AQR: variants seen among roughly 807,000 people sequenced by gnomAD.
AQR encodes the protein aquarius intron-binding spliceosomal factor.
Under a neutral mutation model 180.5 loss-of-function variants are expected in AQR, and 61 were observed. The observed-to-expected ratio is 0.34, with a 90% CI of 0.28 to 0.42. The LOEUF is 0.42. AQR is among the 10% of genes least tolerant of loss of function. AQR has a pLI of 1.00. For synonymous variants in AQR, 551 were observed against 588.8 expected, an observed-to-expected ratio of 0.94 and a Z score of 0.93; for missense variants, 1,281 against 1,798.3, an observed-to-expected ratio of 0.71 and a Z score of 5.20.
At chr15:34,876,992 T>C (rs1312449837) in intron 27 of AQR, among the ~76,000 whole-genome samples, 1 of 151,966 alleles carries the variant, frequency 6.6e-6, no homozygotes, top group East Asian at 1.9e-4. Flanking sequence ...GTACTGTTCT[T>C]TTGTCTTCCA....
intron 3 of AQR, among the ~76,000 whole-genome samples, chr15:34,954,688 G>A (rs1894280753): frequency 6.6e-6 from 1 of 151,974 alleles, no homozygotes; most frequent in South Asian, 2.1e-4. Context: ...AATCTCAGTG[G>A]TATTTATTAA....
chr15:34,910,561 G>A (rs1390223394), intron 16 of AQR, among the ~76,000 whole-genome samples: 1 of 152,138 alleles, frequency 6.6e-6, no homozygotes, highest in Non-Finnish European at 1.5e-5. Flanking sequence ...AGAAAGAGAA[G>A]TAGAGGAATA....
At chr15:34,954,808 C>T (rs973930853) in intron 3 of AQR, among the ~76,000 whole-genome samples, 2 of 151,934 alleles carry the variant, frequency 1.3e-5, no homozygotes, top group African/African-American at 4.8e-5. Context: ...GAACTAGACA[C>T]CATGTCAGAA....
chr15:34,881,155 T>C (rs72717441), intron 27 of AQR, among the ~76,000 whole-genome samples: 5 of 152,332 alleles, frequency 3.3e-5, no homozygotes, highest in Non-Finnish European at 7.3e-5. Context: ...TGATTTAATA[T>C]CAAAGTATAT....
chr15:34,930,129 C>T (rs980605520), intron 12 of AQR, 129 bp downstream of exon 12: 5 of 509,976 alleles, frequency 9.8e-6, no homozygotes, highest in African/African-American at 7.6e-5. Flanking sequence ...GAAAAAGAAA[C>T]GTTAAAAATG....
In AQR at chr15:34,963,766, C is replaced by G. The variant is rs567527080; in HGVS notation, c.132+468G>C. Among the ~76,000 whole-genome samples the G allele has an allele frequency of 4.6e-5, 7 of 151,052 alleles. No individual in the cohort carries two copies. The South Asian group carries it at 1.0e-3, about 22-fold the overall frequency. ...GCACGCTCCGCCTCCCAGGTTCACG[C>G]CATTCTCCTGCCTCAGCCTCCCGAG... On this transcript the variant is annotated intron_variant, in intron 2 of 34. Coordinates refer to ENST00000156471, the MANE Select transcript of AQR (RefSeq NM_014691.3).
At chr15:34,962,205 T>C (rs1451649571) in intron 2 of AQR, among the ~76,000 whole-genome samples, 1 of 151,922 alleles carries the variant, frequency 6.6e-6, no homozygotes, top group East Asian at 1.9e-4. Flanking sequence ...GTATTTTTGG[T>C]AGAGATGGGG....
Position 34,882,478 on chromosome 15 carries a change from A to AAAAAAAAAAAAAC in AQR, c.3165+23_3165+24insGTTTTTTTTTTTT, listed in dbSNP as rs1555423271. The AAAAAAAAAAAAAC allele has an allele frequency of 8.2e-6, 12 of 1,458,124 alleles. No individual in the cohort carries two copies. In the African/African-American group the frequency reaches 1.6e-4, roughly 19 times the overall value. The allele number at this position is 1,458,124 out of a possible 1,614,324, so 90.3% of individuals were successfully genotyped here. On this transcript the variant is annotated intron_variant, in intron 27 of 34. Coordinates refer to ENST00000156471, the MANE Select transcript of AQR (RefSeq NM_014691.3). ...CTCTGATAATCTTAAAAAAAAAAAA[A>AAAAAAAAAAAAAC]AAAAAACTACCATAAGTCTTTACCT...
chr15:34,865,709 T>C (rs925763839), intron 32 of AQR, among the ~76,000 whole-genome samples: 1 of 152,154 alleles, frequency 6.6e-6, no homozygotes. Context: ...AGCCACACAA[T>C]GGAATACTAT....
At chr15:34,906,413 G>T in intron 18 of AQR, 132 bp downstream of exon 18, 1 of 1,078,438 alleles carries the variant, frequency 9.3e-7, no homozygotes, top group Non-Finnish European at 1.3e-6. Flanking sequence ...ACACATATTT[G>T]ATACAAAATC....
At chr15:34,942,144 TAAG>T in intron 6 of AQR, 64 bp from the exon 7 acceptor site, 1 of 1,271,754 alleles carries the variant, frequency 7.9e-7, no homozygotes, top group Non-Finnish European at 1.1e-6. Flanking sequence ...AGTCTTTACA[TAAG>T]AAGTATACTG....
At chr15:34,932,026 A>G (rs1418631476) in intron 11 of AQR, among the ~76,000 whole-genome samples, 15 of 152,232 alleles carry the variant, frequency 9.9e-5, no homozygotes, top group Non-Finnish European at 2.1e-4. Flanking sequence ...TTCATTTAAA[A>G]TTAATGCTCA....
chr15:34,959,276 C>T (rs1894380426), intron 3 of AQR, among the ~76,000 whole-genome samples: 1 of 152,186 alleles, frequency 6.6e-6, no homozygotes, highest in Non-Finnish European at 1.5e-5. Flanking sequence ...GATCCTCCCA[C>T]TTCATCCTCT....
intron 24 of AQR, among the ~76,000 whole-genome samples, chr15:34,887,735 A>G (rs1006710881): frequency 6.6e-6 from 1 of 152,230 alleles, no homozygotes; most frequent in Admixed American, 6.5e-5. Flanking sequence ...ACAAAAGAAG[A>G]AGTCATGTTC....
At chr15:34,938,371 CAAAA>C (rs2140495561) in intron 9 of AQR, among the ~76,000 whole-genome samples, 1 of 151,788 alleles carries the variant, frequency 6.6e-6, no homozygotes, top group South Asian at 2.1e-4. Context: ...CCGTCTCTAC[CAAAA>C]ATACAAAACT....
chr15:34,916,902 G>C (rs1002778493), intron 15 of AQR, among the ~76,000 whole-genome samples: 1 of 97,760 alleles, frequency 1.0e-5, no homozygotes. Context: ...AAAAAAAAAA[G>C]AAAGAAAGAA....
intron 10 of AQR, among the ~76,000 whole-genome samples, chr15:34,934,226 T>C (rs1266735258): frequency 6.6e-6 from 1 of 150,624 alleles, no homozygotes; most frequent in African/African-American, 2.4e-5. Context: ...TTTTATTGTA[T>C]TGTATTAATT....
chr15:34,896,541 G>GT (rs1595789752), intron 22 of AQR, among the ~76,000 whole-genome samples: 1 of 126,018 alleles, frequency 7.9e-6, no homozygotes, highest in South Asian at 2.4e-4. Flanking sequence ...CTTAATCTAT[G>GT]TTAAAAAAAA....
intron 3 of AQR, among the ~76,000 whole-genome samples, chr15:34,959,298 G>A (rs147856788): frequency 6.6e-6 from 1 of 152,222 alleles, no homozygotes; most frequent in East Asian, 1.9e-4. Context: ...GAGTAACTGG[G>A]ACTACAGCCA....
Sources: gnomAD v4.1 joint callset for allele counts (sites outside exome capture counted in the v4.1 genomes callset) on GRCh38, gnomAD v4.1.1 for gene constraint, MANE v1.5 for transcripts, NCBI Gene and HGNC (gene_info 2026-07-23, HGNC 2026-07-21) for gene names.